Variants in TPH2 observed in about 807,000 individuals in gnomAD.
The protein encoded by TPH2 is tryptophan hydroxylase 2, also known as tryptophan 5-hydroxylase 2.
A neutral mutation model predicts 59.1 loss-of-function variants in TPH2; 27 were observed. That is an observed-to-expected ratio of 0.46 (90% confidence interval 0.34 to 0.63). The LOEUF is 0.63. TPH2 is among the 30% of genes least tolerant of loss of function. The pLI is 0.01. For synonymous variants in TPH2, 220 were observed against 210.5 expected (o/e 1.05, Z -0.39); for missense variants, 523 against 588.3 (o/e 0.89, Z 1.15).
intron 5 of TPH2, among the ~76,000 whole-genome samples, chr12:71,957,599 G>A (rs972851941): frequency 1.3e-5 from 2 of 152,236 alleles, no homozygotes; most frequent in East Asian, 1.9e-4. Context: ...GCCTCCCAAA[G>A]TGATGGGATT....
intron 8 of TPH2, among the ~76,000 whole-genome samples, chr12:72,008,692 C>A (rs1240837732): frequency 3.3e-5 from 5 of 152,100 alleles, no homozygotes; most frequent in Admixed American, 1.3e-4. Flanking sequence ...GTGTGTAAGA[C>A]CATAATGCAG....
At chr12:72,001,883 C>T (rs955463758) in intron 8 of TPH2, among the ~76,000 whole-genome samples, 1 of 151,850 alleles carries the variant, frequency 6.6e-6, no homozygotes, top group African/African-American at 2.4e-5. Context: ...TAAGATGAAG[C>T]TCCATTTTGG....
chr12:71,948,426 G>C (rs1362332901), intron 4 of TPH2, among the ~76,000 whole-genome samples: 1 of 152,102 alleles, frequency 6.6e-6, no homozygotes, highest in Non-Finnish European at 1.5e-5. Context: ...TGAAAGAAAG[G>C]TTGTTGACAA....
chr12:71,969,410 A>G (rs1055503467), intron 5 of TPH2, among the ~76,000 whole-genome samples: 14 of 152,192 alleles, frequency 9.2e-5, no homozygotes, highest in African/African-American at 3.4e-4. Flanking sequence ...AACAAATTCA[A>G]AGAAATACAA....
chr12:71,957,327 ATTT>A (rs35425528), intron 5 of TPH2, among the ~76,000 whole-genome samples: 16 of 95,588 alleles, frequency 1.7e-4, no homozygotes, highest in African/African-American at 3.3e-4. Flanking sequence ...TGAGTAAAGG[ATTT>A]TTTTTTTTTT....
chr12:71,989,547 G>A (rs779440328), intron 7 of TPH2, among the ~76,000 whole-genome samples: 2 of 152,146 alleles, frequency 1.3e-5, no homozygotes, highest in Non-Finnish European at 2.9e-5. Flanking sequence ...GTCATTTAGA[G>A]CAAACAAAAC....
rs150800779 is a variant in TPH2 at position 72,020,273 on chromosome 12, T to C, written c.1069-2126T>C. On this transcript the variant is annotated intron_variant, in intron 8 of 10. Coordinates refer to ENST00000333850, the MANE Select transcript of TPH2 (RefSeq NM_173353.4). ...GCCTAAAATGTCAATAGTGCTGACT[T>C]TGGAAAACCTTGTCCTAAATGAACA... Among the ~76,000 whole-genome samples, 96 of 152,294 alleles carry C rather than the reference T, an allele frequency of 6.3e-4. 1 individual carries two copies. Among genetic ancestry groups the C allele is most frequent in the African/African-American group, 2.1e-3 (89 of 41,564 alleles).
rs1422142249 is a variant in TPH2 at position 72,006,601 on chromosome 12, T to G, written c.1068+12036T>G. Among the ~76,000 whole-genome samples, 7 of 152,114 alleles carry G rather than the reference T, an allele frequency of 4.6e-5. No homozygotes were observed. In the South Asian group the frequency reaches 6.2e-4, roughly 14 times the overall value. On this transcript the variant is annotated intron_variant, in intron 8 of 10. Transcript: ENST00000333850. Reference sequence around the variant, plus strand: ...GATTCCAGTCAGATATTGAGGGTGATCAGATGTCAAGGGTGAGGAATTCTG... The same window carrying G: ...GATTCCAGTCAGATATTGAGGGTGAGCAGATGTCAAGGGTGAGGAATTCTG...
At chr12:72,014,850 G>T (rs562934409) in intron 8 of TPH2, among the ~76,000 whole-genome samples, 2 of 152,282 alleles carry the variant, frequency 1.3e-5, no homozygotes, top group East Asian at 3.9e-4. Flanking sequence ...TGGGAGGTTT[G>T]GATGAACGAT....
At chr12:72,017,126 T>C (rs927241847) in intron 8 of TPH2, among the ~76,000 whole-genome samples, 1 of 152,214 alleles carries the variant, frequency 6.6e-6, no homozygotes. Context: ...AATCACCAGG[T>C]GGCACCATTA....
At chr12:72,012,140 C>T (rs1269526875) in intron 8 of TPH2, among the ~76,000 whole-genome samples, 10 of 151,508 alleles carry the variant, frequency 6.6e-5, no homozygotes, top group East Asian at 5.8e-4. Context: ...GAGTACCTTC[C>T]GCATGTCAGG....
intron 5 of TPH2, chr12:71,965,094 A>G (rs948481206): frequency 6.6e-6 from 1 of 152,198 alleles, no homozygotes; most frequent in African/African-American, 2.4e-5. Context: ...AGCTCCATCC[A>G]TGTTGCTGCA....
intron 5 of TPH2, among the ~76,000 whole-genome samples, chr12:71,956,081 C>T (rs1871487145): frequency 6.6e-6 from 1 of 152,180 alleles, no homozygotes; most frequent in East Asian, 1.9e-4. Flanking sequence ...AATATGGTTA[C>T]TCATAGGGCT....
chr12:71,972,849 A>G, intron 6 of TPH2, 134 bp downstream of exon 6: 1 of 951,404 alleles, frequency 1.1e-6, no homozygotes, highest in Non-Finnish European at 1.6e-6. Context: ...TTGAGCCAAC[A>G]ATTACCTGCG....
intron 4 of TPH2, 147 bp from the exon 5 acceptor site, chr12:71,949,441 G>A: frequency 4.6e-6 from 3 of 654,040 alleles, no homozygotes; most frequent in Non-Finnish European, 8.2e-6. Context: ...AGCACAATTT[G>A]TTTCTGTCTG....
In TPH2 at chr12:72,031,758, T is replaced by C. The variant is rs561271627; in HGVS notation, c.*63T>C. ...GGGCTTAGCAGCAGTTCAGTCAATG[T>C]CATATAACGCAAATAACCTTCTGTG... On this transcript the variant is annotated 3_prime_UTR_variant, in exon 11 of 11. Transcript: ENST00000333850. The C allele has an allele frequency of 1.9e-6, 3 of 1,591,478 alleles. No homozygotes were observed. The South Asian group carries it at 3.3e-5, about 18-fold the overall frequency.
At chr12:71,991,890 G>T (rs1051222228) in intron 7 of TPH2, among the ~76,000 whole-genome samples, 1 of 152,138 alleles carries the variant, frequency 6.6e-6, no homozygotes, top group African/African-American at 2.4e-5. Context: ...AGTACTAGTT[G>T]CTTGAAGCTT....
intron 7 of TPH2, among the ~76,000 whole-genome samples, chr12:71,992,935 C>A (rs1872614027): frequency 6.6e-6 from 1 of 152,166 alleles, no homozygotes; most frequent in Admixed American, 6.5e-5. Context: ...TTGCCATAAG[C>A]AATGTGATTG....
chr12:71,983,798 A>ATC (rs1460631031), intron 7 of TPH2, among the ~76,000 whole-genome samples: 1 of 140,178 alleles, frequency 7.1e-6, no homozygotes, highest in African/African-American at 2.6e-5. Flanking sequence ...ACAGAGAGAG[A>ATC]GAGAGAAAGA....
Sources: gnomAD v4.1 joint callset for allele counts (sites outside exome capture counted in the v4.1 genomes callset) on GRCh38, gnomAD v4.1.1 for gene constraint, MANE v1.5 for transcripts, NCBI Gene and HGNC (gene_info 2026-07-23, HGNC 2026-07-21) for gene names.